The following NSUN2 variants were observed in gnomAD, a reference collection of about 807,000 sequenced individuals.
NSUN2 encodes NOP2/Sun RNA methyltransferase 2.
Under a neutral mutation model 92.7 loss-of-function variants are expected in NSUN2, and 63 were observed. That is an observed-to-expected ratio of 0.68 (90% CI 0.56 to 0.84). The LOEUF is 0.84. Among genes scored for constraint, NSUN2 ranks in the 40% least tolerant of loss-of-function variants. The probability of loss-of-function intolerance (pLI) is 0.00; values close to 1 mark genes in which losing one functional copy is unlikely to be tolerated. For missense variants in NSUN2, 989 were observed against 964.9 expected, an observed-to-expected ratio of 1.02 and a Z score of -0.33; for synonymous variants, 356 against 348.3, an observed-to-expected ratio of 1.02 and a Z score of -0.25.
intron 11 of NSUN2, 46 bp from the exon 12 acceptor site, chr5:6,609,968 C>T (rs1040530981): frequency 1.4e-5 from 18 of 1,264,520 alleles, no homozygotes; most frequent in Admixed American, 2.2e-5. Context: ...ATCAAAAATG[C>T]ATTCTTTTAC....
chr5:6,632,043 A>C, intron 2 of NSUN2, 66 bp from the exon 3 acceptor site: 1 of 1,257,284 alleles, frequency 8.0e-7, no homozygotes, highest in Non-Finnish European at 1.1e-6. Flanking sequence ...TATCTTCTTA[A>C]ATTTAAGACT....
At chr5:6,602,048 C>T (rs1430289222) in intron 18 of NSUN2, among the ~76,000 whole-genome samples, 1 of 152,202 alleles carries the variant, frequency 6.6e-6, no homozygotes, top group African/African-American at 2.4e-5. Context: ...GAGCAAATCC[C>T]ATGCTCCGGC....
At chr5:6,602,989 G>A (rs1042560594) in intron 17 of NSUN2, among the ~76,000 whole-genome samples, 1 of 152,146 alleles carries the variant, frequency 6.6e-6, no homozygotes, top group African/African-American at 2.4e-5. Context: ...GCCTGGAGAC[G>A]GCAGTGGGAG....
At chr5:6,629,739 G>A (rs1737797428) in intron 3 of NSUN2, among the ~76,000 whole-genome samples, 1 of 152,184 alleles carries the variant, frequency 6.6e-6, no homozygotes, top group African/African-American at 2.4e-5. Flanking sequence ...GGCAGGACGA[G>A]GTGGAGATAA....
Position 6,616,871 on chromosome 5 carries a change from T to A in NSUN2, c.891-14A>T. 1 of 1,609,970 alleles carries A rather than the reference T, an allele frequency of 6.2e-7. No individual in the cohort carries two copies. Among genetic ancestry groups the A allele is most frequent in the Non-Finnish European group, 8.5e-7 (1 of 1,177,898 alleles). On this transcript the variant is annotated splice_polypyrimidine_tract_variant and intron_variant, in intron 8 of 18. Coordinates refer to ENST00000264670, the MANE Select transcript of NSUN2 (RefSeq NM_017755.6). ...CGCAGCTGTAAGCTAAGGGGAGATA[T>A]CAGATGACTGCAAGGCCAAATGTAT... is the stretch of plus-strand genomic sequence containing the variant.
At chr5:6,618,791 T>G (rs1435091753) in intron 7 of NSUN2, among the ~76,000 whole-genome samples, 1 of 152,244 alleles carries the variant, frequency 6.6e-6, no homozygotes, top group East Asian at 1.9e-4. Flanking sequence ...ACTGGATTTG[T>G]TACTTTCTGT....
chr5:6,619,761 G>T (rs1737359441), intron 7 of NSUN2, among the ~76,000 whole-genome samples: 1 of 152,136 alleles, frequency 6.6e-6, no homozygotes, highest in Admixed American at 6.5e-5. Flanking sequence ...CAAAATAGTT[G>T]GGGTGCACAA....
chr5:6,604,215 A>G lies in NSUN2; in HGVS notation c.1880T>C (p.Val627Ala), dbSNP rs1331428829. 1 of 1,609,990 alleles carries G rather than the reference A, an allele frequency of 6.2e-7. No individual in the cohort carries two copies. Among genetic ancestry groups the G allele is most frequent in the Non-Finnish European group, 8.5e-7 (1 of 1,176,278 alleles). Residue 627 changes from valine (V) to alanine (A), a missense_variant, in exon 17 of 19, where the codon GTT (valine) becomes GCT (alanine). Physicochemically the swap from Val to Ala is moderately conservative, Grantham distance 64. This residue lies in a region of NSUN2 where 626 missense variants were observed against 602.3 expected (regional missense o/e 1.04). Coordinates refer to ENST00000264670, the MANE Select transcript of NSUN2 (RefSeq NM_017755.6). ...SRIITVSMED[V>A]KILLTQENPF... ...ATTTTCCTGGGTCAACAGTATCTTA[A>G]CATCTTCCATTGATACAGTAATAAT...
At position 6,610,952 on chromosome 5, in the gene NSUN2, C is replaced by T; in HGVS notation, c.1226+3G>A. The T allele has an allele frequency of 6.2e-7, 1 of 1,614,024 alleles. No individual in the cohort carries two copies. The highest frequency in any genetic ancestry group is 8.5e-7 in the Non-Finnish European group (1 of 1,179,950). On this transcript the variant is annotated splice_donor_region_variant and intron_variant, in intron 11 of 18. Coordinates refer to ENST00000264670, the MANE Select transcript of NSUN2 (RefSeq NM_017755.6). ...CCCACACCTGGAGGCCCCACCAGCT[C>T]ACCATCGCTCCAGGTGCATGGCCTG...
At chr5:6,623,326 A>C in intron 4 of NSUN2, 41 bp from the exon 5 acceptor site, 1 of 1,545,822 alleles carries the variant, frequency 6.5e-7, no homozygotes, top group Non-Finnish European at 8.7e-7. Flanking sequence ...TAGGAAAAAA[A>C]AAAAAACCGC....
chr5:6,629,054 T>C (rs917641481), intron 3 of NSUN2, among the ~76,000 whole-genome samples: 1 of 151,962 alleles, frequency 6.6e-6, no homozygotes, highest in Admixed American at 6.6e-5. Context: ...CAAAATAAAA[T>C]ATAGAGAAAC....
At position 6,623,275 on chromosome 5, in the gene NSUN2, C is replaced by G; in HGVS notation, c.476G>C (p.Ser159Thr). Reference protein sequence around the residue: ...LVSETESGNISRQEAVSMIPP... With the variant: ...LVSETESGNITRQEAVSMIPP... ...GATCATGCTAACAGCTTCTTGACGA[C>G]TAATATTTCCCTTGAGGAAAAAAAA... Residue 159 changes from serine (S) to threonine (T), a missense_variant, in exon 5 of 19, where the codon AGT becomes ACT. By Grantham distance (58) the Ser-to-Thr change is moderately conservative. Coordinates refer to ENST00000264670, the MANE Select transcript of NSUN2 (RefSeq NM_017755.6). 6.5e-7 allele frequency: 1 copy of G among 1,537,158 alleles called. No individual in the cohort carries two copies. The highest frequency in any genetic ancestry group is 1.5e-5 in the African/African-American group (1 of 67,918).
chr5:6,607,124 C>T, intron 13 of NSUN2, 76 bp downstream of exon 13: 2 of 1,476,770 alleles, frequency 1.4e-6, no homozygotes, highest in Non-Finnish European at 1.9e-6. Flanking sequence ...CAAGAAGTGG[C>T]TCTGGGATCC....
chr5:6,603,718 C>T (rs58926699), intron 17 of NSUN2, among the ~76,000 whole-genome samples: 1 of 151,972 alleles, frequency 6.6e-6, no homozygotes, highest in South Asian at 2.1e-4. Flanking sequence ...AACAAATTTG[C>T]TCATGCACAG....
intron 12 of NSUN2, among the ~76,000 whole-genome samples, chr5:6,608,634 A>G (rs1476307818): frequency 1.3e-5 from 2 of 152,268 alleles, no homozygotes; most frequent in East Asian, 3.8e-4. Flanking sequence ...AAAAAATGTC[A>G]AAACCTTTCT....
rs542485044 is a variant in NSUN2 at position 6,632,503 on chromosome 5, C to T, written c.254+96G>A. On this transcript the variant is annotated intron_variant, in intron 2 of 18. Coordinates refer to ENST00000264670, the MANE Select transcript of NSUN2 (RefSeq NM_017755.6). ...TCCAAACCGCTGAAACGCCACGGTT[C>T]TCTGGCACTGTAACACTTGTCGAAG... The T allele has an allele frequency of 3.2e-4, 456 of 1,419,230 alleles. 2 individuals are homozygous for T. Among genetic ancestry groups the T allele is most frequent in the Middle Eastern group, 1.6e-3 (8 of 5,132 alleles). The allele number at this position is 1,419,230 out of a possible 1,614,324, so 87.9% of individuals were successfully genotyped here. A position where few individuals can be genotyped will look rare whatever the true frequency, so the allele number is the denominator to read the frequency against.
intron 7 of NSUN2, among the ~76,000 whole-genome samples, chr5:6,619,650 G>T (rs550524969): frequency 6.6e-6 from 1 of 152,270 alleles, no homozygotes; most frequent in Middle Eastern, 3.4e-3. Context: ...CTTGAACTCC[G>T]AAATTTCTTT....
intron 2 of NSUN2, 148 bp from the exon 3 acceptor site, chr5:6,632,125 T>C (rs777230186): frequency 1.2e-5 from 8 of 644,120 alleles, no homozygotes; most frequent in Non-Finnish European, 2.1e-5. Context: ...TTTTACACTG[T>C]ATGCCTTCAA....
At chr5:6,626,894 G>A (rs1277348390) in intron 3 of NSUN2, among the ~76,000 whole-genome samples, 1 of 152,136 alleles carries the variant, frequency 6.6e-6, no homozygotes, top group African/African-American at 2.4e-5. Flanking sequence ...TGAAAACCAT[G>A]AAAATAAAAC....
Sources: allele counts gnomAD v4.1 joint callset (sites outside exome capture counted in the v4.1 genomes callset), GRCh38; gene constraint gnomAD v4.1.1; regional missense constraint gnomAD v4.1.1; transcripts MANE v1.5; gene names NCBI Gene and HGNC (gene_info 2026-07-23, HGNC 2026-07-21).